The following SCAF8 variants were observed in gnomAD, a reference collection of about 807,000 sequenced individuals.
The protein encoded by SCAF8 is SR-related CTD associated factor 8, also known as SR-related and CTD-associated factor 8.
In SCAF8, 23 loss-of-function variants were observed where a neutral mutation model predicts 140.5. That is an observed-to-expected ratio of 0.16 (90% confidence interval 0.12 to 0.23). The LOEUF is 0.23. Among genes scored for constraint, SCAF8 ranks in the 10% least tolerant of loss-of-function variants. The pLI, the probability that SCAF8 is intolerant of heterozygous loss-of-function variation, is 1.00. For missense variants in SCAF8, 1,397 were observed against 1,555.7 expected, an observed-to-expected ratio of 0.90 and a Z score of 1.72; for synonymous variants, 575 against 528.9, an observed-to-expected ratio of 1.09 and a Z score of -1.20.
chr6:154,831,898 G>C (rs181997371), intron 19 of SCAF8, 41 bp from the exon 20 acceptor site: 1 of 1,524,300 alleles, frequency 6.6e-7, no homozygotes, highest in African/African-American at 1.4e-5. Context: ...GGAAACTTTT[G>C]ACTGTTATTT....
intron 1 of SCAF8, among the ~76,000 whole-genome samples, chr6:154,738,834 TAAG>T (rs1778495530): frequency 6.6e-6 from 1 of 152,238 alleles, no homozygotes; most frequent in African/African-American, 2.4e-5. Context: ...ACTCTGTACT[TAAG>T]AATGATCACT....
At chr6:154,803,246 A>G (rs972474620) in intron 7 of SCAF8, among the ~76,000 whole-genome samples, 1 of 152,180 alleles carries the variant, frequency 6.6e-6, no homozygotes, top group East Asian at 1.9e-4. Context: ...TATCAAGCTT[A>G]TTACCATGGA....
At chr6:154,802,228 A>T in intron 7 of SCAF8, 81 bp downstream of exon 7, 1 of 853,256 alleles carries the variant, frequency 1.2e-6, no homozygotes, top group Non-Finnish European at 1.7e-6. Flanking sequence ...CTATAAATAA[A>T]TTTTATTGTA....
intron 18 of SCAF8, among the ~76,000 whole-genome samples, chr6:154,829,327 G>A (rs549541785): frequency 6.6e-6 from 1 of 151,166 alleles, no homozygotes; most frequent in South Asian, 2.1e-4. Flanking sequence ...CATTTCAAAA[G>A]TAATGTAATG....
chr6:154,752,552 C>G (rs773287554), intron 1 of SCAF8, among the ~76,000 whole-genome samples: 5 of 151,828 alleles, frequency 3.3e-5, no homozygotes, highest in Non-Finnish European at 7.4e-5. Context: ...GTGGATATCT[C>G]TGTTGCCCTG....
intron 5 of SCAF8, among the ~76,000 whole-genome samples, chr6:154,793,841 T>A (rs913934402): frequency 3.4e-5 from 5 of 148,712 alleles, no homozygotes; most frequent in African/African-American, 1.3e-4. Context: ...AAAAAAAAAT[T>A]TTTTTAAATC....
At chr6:154,819,623 C>T (rs1292090250) in intron 14 of SCAF8, among the ~76,000 whole-genome samples, 3 of 151,276 alleles carry the variant, frequency 2.0e-5, no homozygotes, top group African/African-American at 7.3e-5. Flanking sequence ...CTAATCACCC[C>T]TCATGTAGGT....
Position 154,795,086 on chromosome 6 carries a change from A to G in SCAF8, c.553A>G (p.Thr185Ala). Residue 185 changes from threonine (T) to alanine (A), a missense_variant, in exon 6 of 20, where the codon ACA becomes GCA. Physicochemically the swap from Thr to Ala is moderately conservative, Grantham distance 58. Around this residue, in one of 5 missense-constraint regions of SCAF8, gnomAD observed 339 missense variants for 407.5 expected, o/e 0.83. Coordinates refer to ENST00000367178, the MANE Select transcript of SCAF8 (RefSeq NM_014892.5). ...PDPWVSQITN[T>A]DTLAAVAQIL... is the part of the protein sequence containing the mutation. ...TCCGTGGGTATCTCAGATAACAAATACAGATACACTTGCGGCTGTAGCTCA... is the reference window on the plus strand; with the variant it reads ...TCCGTGGGTATCTCAGATAACAAATGCAGATACACTTGCGGCTGTAGCTCA... 6.2e-7 allele frequency: 1 copy of G among 1,613,852 alleles called. No homozygotes were observed. The highest frequency in any genetic ancestry group is 8.5e-7 in the Non-Finnish European group (1 of 1,179,888).
rs1024646280 is a variant in SCAF8 at position 154,733,581 on chromosome 6, G to A, written c.-320G>A. 1.6e-6 allele frequency: 2 copies of A among 1,280,358 alleles called. No individual in the cohort carries two copies. The highest frequency in any genetic ancestry group is 8.4e-5 in the Admixed American group (2 of 23,796). The allele number at this position is 1,280,358 out of a possible 1,614,324, so 79.3% of individuals were successfully genotyped here. A position where few individuals can be genotyped will look rare whatever the true frequency, so the allele number is the denominator to read the frequency against. On this transcript the variant is annotated 5_prime_UTR_variant, in exon 1 of 20. Transcript: ENST00000367178. ...GGAAGGGGCTAGAGGGAGGGGGACCGAAACGGAGCGGGGCAGAGAAGAGAA... is the reference window on the plus strand; with the variant it reads ...GGAAGGGGCTAGAGGGAGGGGGACCAAAACGGAGCGGGGCAGAGAAGAGAA...
Position 154,820,350 on chromosome 6 carries a change from C to A in SCAF8, c.1792+17C>A. ...TAAATACTGGTAAGAATTCTAAGGT[C>A]TTTTTATTGTTAAAAAAAAGTATGC... On this transcript the variant is annotated intron_variant, in intron 15 of 19. Coordinates refer to ENST00000367178, the MANE Select transcript of SCAF8 (RefSeq NM_014892.5). 6.3e-7 allele frequency: 1 copy of A among 1,586,584 alleles called. No individual in the cohort carries two copies. Among genetic ancestry groups the A allele is most frequent in the Non-Finnish European group, 8.6e-7 (1 of 1,168,958 alleles).
At chr6:154,750,640 T>C (rs2114806881) in intron 1 of SCAF8, among the ~76,000 whole-genome samples, 1 of 152,362 alleles carries the variant, frequency 6.6e-6, no homozygotes, top group South Asian at 2.1e-4. Flanking sequence ...AAATTTTGTT[T>C]AATGAGATTT....
At chr6:154,820,978 A>G (rs1778405996) in intron 15 of SCAF8, among the ~76,000 whole-genome samples, 1 of 152,212 alleles carries the variant, frequency 6.6e-6, no homozygotes, top group African/African-American at 2.4e-5. Context: ...TATCAGAGTT[A>G]GCTAATTTTC....
At chr6:154,806,886 G>C (rs1777932163) in intron 9 of SCAF8, among the ~76,000 whole-genome samples, 1 of 152,126 alleles carries the variant, frequency 6.6e-6, no homozygotes, top group African/African-American at 2.4e-5. Context: ...ACATTTAGAT[G>C]TTGTTTAAAG....
intron 1 of SCAF8, among the ~76,000 whole-genome samples, chr6:154,766,660 C>T (rs78877504): frequency 1.2e-5 from 1 of 80,756 alleles, no homozygotes; most frequent in East Asian, 5.8e-4. Flanking sequence ...TCCAGCAGCA[C>T]CCCCCCCCCT....
chr6:154,763,788 C>T (rs1383617061), intron 1 of SCAF8, among the ~76,000 whole-genome samples: 2 of 151,754 alleles, frequency 1.3e-5, no homozygotes, highest in South Asian at 2.1e-4. Flanking sequence ...AGAATGTTGC[C>T]GAATCCAGGG....
At chr6:154,816,539 T>C (rs1778256441) in intron 13 of SCAF8, among the ~76,000 whole-genome samples, 1 of 152,174 alleles carries the variant, frequency 6.6e-6, no homozygotes, top group Non-Finnish European at 1.5e-5. Flanking sequence ...TGCTGTGTGG[T>C]GAAATGTTTT....
chr6:154,794,831 T>G (rs1012323329), intron 5 of SCAF8, among the ~76,000 whole-genome samples, 178 bp from the exon 6 acceptor site: 1 of 137,662 alleles, frequency 7.3e-6, no homozygotes, highest in South Asian at 2.3e-4. Context: ...GTGTGTGTGT[T>G]TAATGTACCT....
At chr6:154,751,455 C>G (rs1030524716) in intron 1 of SCAF8, among the ~76,000 whole-genome samples, 5 of 152,080 alleles carry the variant, frequency 3.3e-5, no homozygotes, top group Non-Finnish European at 7.4e-5. Flanking sequence ...CTCGAACTCC[C>G]TACCTCAGGT....
At chr6:154,804,040 T>A (rs1489395823) in intron 8 of SCAF8, among the ~76,000 whole-genome samples, 1 of 152,154 alleles carries the variant, frequency 6.6e-6, no homozygotes, top group Non-Finnish European at 1.5e-5. Context: ...ATGAGGATTT[T>A]TTTTTTTGTA....
Sources: allele counts gnomAD v4.1 joint callset (sites outside exome capture counted in the v4.1 genomes callset), GRCh38; gene constraint gnomAD v4.1.1; regional missense constraint gnomAD v4.1.1; transcripts MANE v1.5; gene names NCBI Gene and HGNC (gene_info 2026-07-23, HGNC 2026-07-21).